TNFRSF1A: variants seen among roughly 807,000 people sequenced by gnomAD.
TNFRSF1A encodes the protein TNF receptor superfamily member 1A.
In TNFRSF1A, 9 loss-of-function variants were observed where a neutral mutation model predicts 41.6. The observed-to-expected ratio is 0.22, with a 90% CI of 0.13 to 0.38. The LOEUF is 0.38. TNFRSF1A is among the 10% of genes least tolerant of loss of function. TNFRSF1A has a pLI of 1.00. For synonymous variants in TNFRSF1A, 254 were observed against 248.6 expected, an observed-to-expected ratio of 1.02 and a Z score of -0.21; for missense variants, 463 against 591.5, an observed-to-expected ratio of 0.78 and a Z score of 2.25.
At chr12:6,332,994 G>A in intron 5 of TNFRSF1A, 75 bp downstream of exon 5, 1 of 1,386,134 alleles carries the variant, frequency 7.2e-7, no homozygotes, top group Non-Finnish European at 1.0e-6. Context: ...CTGTTGCCCA[G>A]CTAATGGTTC....
chr12:6,338,523 A>G (rs1948147790), intron 1 of TNFRSF1A, among the ~76,000 whole-genome samples: 1 of 151,520 alleles, frequency 6.6e-6, no homozygotes, highest in Non-Finnish European at 1.5e-5. Flanking sequence ...CCTGGCTCCA[A>G]ACAGCATTTC....
At position 6,329,891 on chromosome 12, in the gene TNFRSF1A, G is replaced by T; in HGVS notation, c.944C>A (p.Ala315Glu). Reference sequence around the variant, plus strand: ...GGGGTCAGCCCCCTGATAGGGTGGTGCCACCTCTCTGCGGGGAGCCGCAAA... The same window carrying T: ...GGGGTCAGCCCCCTGATAGGGTGGTTCCACCTCTCTGCGGGGAGCCGCAAA... ...PNFAAPRREV[A>E]PPYQGADPIL... is the part of the protein sequence containing the mutation. The change falls in exon 9 of 10, where the codon GCA (alanine) becomes GAA (glutamate). Residue 315 changes from alanine to glutamate, a missense_variant. By Grantham distance (107) the Ala-to-Glu change is moderately radical. Transcript: ENST00000162749. 1 of 1,583,374 alleles carries T rather than the reference G, an allele frequency of 6.3e-7. No homozygotes were observed. The highest frequency in any genetic ancestry group is 8.6e-7 in the Non-Finnish European group (1 of 1,164,254).
intron 1 of TNFRSF1A, among the ~76,000 whole-genome samples, chr12:6,336,836 CA>C (rs1948127298): frequency 6.6e-6 from 1 of 152,250 alleles, no homozygotes; most frequent in Non-Finnish European, 1.5e-5. Context: ...GGAAGCAAGC[CA>C]AGGCTGCCCT....
chr12:6,330,641 T>A lies in TNFRSF1A; in HGVS notation c.696A>T (p.Leu232Phe). The change falls in exon 7 of 10, where the codon TTA (leucine) becomes TTT (phenylalanine). Residue 232 changes from leucine (L) to phenylalanine (F), a missense_variant. By Grantham distance (22) the Leu-to-Phe change is conservative. This residue lies in a region of TNFRSF1A where 149 missense variants were observed against 239.4 expected (regional missense o/e 0.62). Coordinates refer to ENST00000162749, the MANE Select transcript of TNFRSF1A (RefSeq NM_001065.4). ...ACTTCCACCGTTGGTAGCGATACAT[T>A]AAACCAATGAAGAGGAGGGATAAAA... ...LCLLSLLFIGLMYRYQRWKSK... is the reference protein window; with the variant it reads ...LCLLSLLFIGFMYRYQRWKSK... The A allele has an allele frequency of 6.2e-7, 1 of 1,613,882 alleles. No individual in the cohort carries two copies. The highest frequency in any genetic ancestry group is 1.1e-5 in the South Asian group (1 of 91,066).
intron 5 of TNFRSF1A, 146 bp from the exon 6 acceptor site, chr12:6,331,072 A>G (rs1948044891): frequency 4.2e-6 from 3 of 706,746 alleles, no homozygotes; most frequent in Non-Finnish European, 7.6e-6. Context: ...GATGCAGAAG[A>G]ATGAAACACA....
intron 7 of TNFRSF1A, 71 bp downstream of exon 7, chr12:6,330,527 T>C: frequency 1.7e-6 from 2 of 1,206,916 alleles, no homozygotes; most frequent in South Asian, 1.2e-5. Flanking sequence ...CCTCCACACA[T>C]GTCCATCGCA....
Position 6,334,072 on chromosome 12 carries a change from C to CG in TNFRSF1A, c.193+18dup. The CG allele has an allele frequency of 6.2e-7, 1 of 1,614,168 alleles. No homozygotes were observed. Among genetic ancestry groups the CG allele is most frequent in the Non-Finnish European group, 8.5e-7 (1 of 1,180,002 alleles). Reference sequence around the variant, plus strand: ...GCACCCCAGACCTGAGGGCATTCACCGTTTCCACTTGCCCCTACCTTTGTG... The same window carrying CG: ...GCACCCCAGACCTGAGGGCATTCACCGGTTTCCACTTGCCCCTACCTTTGTG... On this transcript the variant is annotated intron_variant, in intron 2 of 9. Coordinates refer to ENST00000162749, the MANE Select transcript of TNFRSF1A (RefSeq NM_001065.4). This position sits in a 1 kb window ranked among gnomAD's most constrained non-coding sequence, Gnocchi z 5.1.
chr12:6,332,502 C>T (rs1183109037), intron 5 of TNFRSF1A, among the ~76,000 whole-genome samples: 1 of 149,662 alleles, frequency 6.7e-6, no homozygotes, highest in Non-Finnish European at 1.5e-5. Flanking sequence ...ACTTGCCCAA[C>T]GTCACATAGC....
At position 6,333,641 on chromosome 12, in the gene TNFRSF1A, C is replaced by T. The variant is rs1339910221; in HGVS notation, c.322+96G>A. On this transcript the variant is annotated intron_variant, in intron 3 of 9. Transcript: ENST00000162749. This position sits in a 1 kb window ranked among gnomAD's most constrained non-coding sequence, Gnocchi z 6.3. ...ACATCCATGCAGTGTCCCACCAAAACACACACCTTCCTGCCCACACCCACC... is the reference window on the plus strand; with the variant it reads ...ACATCCATGCAGTGTCCCACCAAAATACACACCTTCCTGCCCACACCCACC... 1.9e-6 allele frequency: 3 copies of T among 1,571,440 alleles called. No individual in the cohort carries two copies. Among genetic ancestry groups the T allele is most frequent in the Non-Finnish European group, 2.6e-6 (3 of 1,157,456 alleles).
rs12426675 is a variant in TNFRSF1A, at chr12:6,330,304, A to G, written c.740-9T>C. On this transcript the variant is annotated splice_polypyrimidine_tract_variant and intron_variant, in intron 7 of 9. Transcript: ENST00000162749. Reference sequence around the variant, plus strand: ...TGTCGATTTCCCACAAACTGAGGAAAAAGAAAGAAAGCATCATAAATTTCA... The same window carrying G: ...TGTCGATTTCCCACAAACTGAGGAAGAAGAAAGAAAGCATCATAAATTTCA... 381,173 of 1,611,464 alleles carry G rather than the reference A, an allele frequency of 0.24. 49,169 individuals are homozygous for G. Among genetic ancestry groups the G allele is most frequent in the South Asian group, 0.44 (39,811 of 91,006 alleles).
In TNFRSF1A at chr12:6,330,334, C is replaced by T. The variant is rs1345732503; in HGVS notation, c.740-39G>A. On this transcript the variant is annotated intron_variant, in intron 7 of 9. Coordinates refer to ENST00000162749, the MANE Select transcript of TNFRSF1A (RefSeq NM_001065.4). ...AAGAAAGCATCATAAATTTCACTTC[C>T]TCTCTCAGCCCTGGCACCCTGGACT... 5.0e-6 allele frequency: 8 copies of T among 1,594,322 alleles called. No individual in the cohort carries two copies. In the African/African-American group the frequency reaches 9.4e-5, roughly 19 times the overall value.
chr12:6,341,965 G>A lies in TNFRSF1A; in HGVS notation c.-151C>T. On this transcript the variant is annotated 5_prime_UTR_variant, in exon 1 of 10. Coordinates refer to ENST00000162749, the MANE Select transcript of TNFRSF1A (RefSeq NM_001065.4). The surrounding 1 kb of genome is among the most constrained non-coding windows in gnomAD (Gnocchi z 4.6). ...GTTGAGACTCGGGCATAGAGATCAC[G>A]GCCTGGTCCCAGTGATCTTGAACCC... 5.2e-6 allele frequency: 4 copies of A among 769,828 alleles called. No individual in the cohort carries two copies. Among genetic ancestry groups the A allele is most frequent in the Middle Eastern group, 4.5e-4 (2 of 4,452 alleles). 47.7% of individuals were successfully genotyped at this position (769,828 alleles called of 1,614,324 possible).
chr12:6,341,756 C>T lies in TNFRSF1A; in HGVS notation c.39+20G>A. The T allele has an allele frequency of 6.2e-7, 1 of 1,614,008 alleles. No individual in the cohort carries two copies. Among genetic ancestry groups the T allele is most frequent in the Non-Finnish European group, 8.5e-7 (1 of 1,179,934 alleles). ...GTGCCTCGCCCACCAGCCCACTCTTCCCTTTGTCCCTGGTCTCACCAGTGG... is the reference window on the plus strand; with the variant it reads ...GTGCCTCGCCCACCAGCCCACTCTTTCCTTTGTCCCTGGTCTCACCAGTGG... On this transcript the variant is annotated intron_variant, in intron 1 of 9. Transcript: ENST00000162749. This position sits in a 1 kb window ranked among gnomAD's most constrained non-coding sequence, Gnocchi z 4.6.
Position 6,333,969 on chromosome 12 carries a change from G to C in TNFRSF1A, c.194-104C>G, listed in dbSNP as rs183358391. ...CGATTCCCTGAAGTCTCTAGGAGAG[G>C]AGGGAGGGAGAAAATCCCAGCCCAG... On this transcript the variant is annotated intron_variant, in intron 2 of 9. Coordinates refer to ENST00000162749, the MANE Select transcript of TNFRSF1A (RefSeq NM_001065.4). The surrounding 1 kb of genome is among the most constrained non-coding windows in gnomAD (Gnocchi z 6.3). 52 of 1,609,688 alleles carry C rather than the reference G, an allele frequency of 3.2e-5. No homozygotes were observed. In the Admixed American group the frequency reaches 8.4e-4, roughly 26 times the overall value.
intron 1 of TNFRSF1A, among the ~76,000 whole-genome samples, chr12:6,336,817 G>C (rs921229487): frequency 6.6e-6 from 1 of 152,122 alleles, no homozygotes; most frequent in Admixed American, 6.5e-5. Context: ...ACACTCCCCA[G>C]TCCCAGCAGG....
In TNFRSF1A at chr12:6,333,327, G is replaced by A. The variant is rs549803373; in HGVS notation, c.472+40C>T. ...CGCATGGGGAAGGGGCCAACCCCTG[G>A]GGTGGGGAGAGGGCTTGGCCTCAGG... On this transcript the variant is annotated intron_variant, in intron 4 of 9. Transcript: ENST00000162749. The surrounding 1 kb of genome is among the most constrained non-coding windows in gnomAD (Gnocchi z 6.3). 1.9e-6 allele frequency: 3 copies of A among 1,606,536 alleles called. No homozygotes were observed. Among genetic ancestry groups the A allele is most frequent in the African/African-American group, 1.3e-5 (1 of 74,890 alleles).
At chr12:6,339,835 T>TCA (rs1478359058) in intron 1 of TNFRSF1A, among the ~76,000 whole-genome samples, 7 of 130,384 alleles carry the variant, frequency 5.4e-5, no homozygotes, top group Admixed American at 2.1e-4. Flanking sequence ...TCTCTCTCTC[T>TCA]CTCTCTCACA....
chr12:6,337,329 G>T lies in TNFRSF1A; in HGVS notation c.40-3085C>A, dbSNP rs1217509222. ...GGGGTGCCTGTGGAGAGACAGTTGAGGGGGTGGCCCAACACCCCTCCAACT... is the reference window on the plus strand; with the variant it reads ...GGGGTGCCTGTGGAGAGACAGTTGATGGGGTGGCCCAACACCCCTCCAACT... On this transcript the variant is annotated intron_variant, in intron 1 of 9. Coordinates refer to ENST00000162749, the MANE Select transcript of TNFRSF1A (RefSeq NM_001065.4). This position sits in a 1 kb window ranked among gnomAD's most constrained non-coding sequence, Gnocchi z 4.6. Among the ~76,000 whole-genome samples, 1 of 152,184 alleles carries T rather than the reference G, an allele frequency of 6.6e-6. No homozygotes were observed. Among genetic ancestry groups the T allele is most frequent in the African/African-American group, 2.4e-5 (1 of 41,456 alleles).
In TNFRSF1A at chr12:6,334,988, G is replaced by A. The variant is rs777287817; in HGVS notation, c.40-744C>T. Among the ~76,000 whole-genome samples the A allele has an allele frequency of 6.6e-5, 10 of 152,304 alleles. No homozygotes were observed. The highest frequency in any genetic ancestry group is 3.4e-3 in the Middle Eastern group (1 of 294). On this transcript the variant is annotated intron_variant, in intron 1 of 9. Coordinates refer to ENST00000162749, the MANE Select transcript of TNFRSF1A (RefSeq NM_001065.4). This position sits in a 1 kb window ranked among gnomAD's most constrained non-coding sequence, Gnocchi z 5.1. The stretch of plus-strand genomic sequence containing the variant: ...TGGGTTCACCGTGTGATCGCTTTGC[G>A]AACATTCACAGAGGTAAACAATGAG...
Sources: gnomAD v4.1 joint callset for allele counts (sites outside exome capture counted in the v4.1 genomes callset) on GRCh38, gnomAD v4.1.1 for gene constraint, gnomAD v4.1.1 regional missense constraint, Gnocchi (gnomAD v3.1) non-coding constraint, MANE v1.5 for transcripts, NCBI Gene and HGNC (gene_info 2026-07-23, HGNC 2026-07-21) for gene names.